Variants in ANKIB1 observed in about 807,000 individuals in gnomAD.
The protein encoded by ANKIB1 is ankyrin repeat and IBR domain-containing protein 1.
In ANKIB1, 43 loss-of-function variants were observed where a neutral mutation model predicts 122.1. The ratio of observed to expected loss-of-function variants is 0.35; its 90% CI spans 0.28 to 0.45. The LOEUF is 0.45. Among genes scored for constraint, ANKIB1 ranks in the 20% least tolerant of loss-of-function variants. The pLI, the probability that ANKIB1 is intolerant of heterozygous loss-of-function variation, is 1.00. For synonymous variants in ANKIB1, 390 were observed against 442.0 expected, an observed-to-expected ratio of 0.88 and a Z score of 1.48; for missense variants, 992 against 1,329.5, an observed-to-expected ratio of 0.75 and a Z score of 3.95.
At chr7:92,391,386 C>T (rs1456251104) in intron 16 of ANKIB1, 42 bp downstream of exon 16, 1 of 1,430,234 alleles carries the variant, frequency 7.0e-7, no homozygotes, top group African/African-American at 1.4e-5. Flanking sequence ...TAGCTCCAGC[C>T]ACAAATACCA....
chr7:92,352,190 C>A (rs1420697612), intron 8 of ANKIB1, among the ~76,000 whole-genome samples: 2 of 152,154 alleles, frequency 1.3e-5, no homozygotes, highest in East Asian at 3.8e-4. Context: ...ATTTTCTGTG[C>A]AAACAATTAC....
At chr7:92,260,510 C>T (rs750397279) in intron 1 of ANKIB1, among the ~76,000 whole-genome samples, 1 of 152,126 alleles carries the variant, frequency 6.6e-6, no homozygotes, top group East Asian at 1.9e-4. Flanking sequence ...GAGACCTCCC[C>T]TCTACAAAAG....
intron 19 of ANKIB1, 40 bp downstream of exon 19, chr7:92,397,899 CT>C: frequency 6.3e-7 from 1 of 1,579,720 alleles, no homozygotes; most frequent in Non-Finnish European, 8.5e-7. Flanking sequence ...TGCTTTTACT[CT>C]TTCTCTGCTG....
At chr7:92,294,634 T>TTG (rs1802314509) in intron 1 of ANKIB1, 1 of 360,790 alleles carries the variant, frequency 2.8e-6, no homozygotes, top group Non-Finnish European at 4.9e-6. Context: ...TAGATAATTT[T>TTG]TGTAATCCGA....
chr7:92,298,007 A>T (rs1385711511), intron 2 of ANKIB1, among the ~76,000 whole-genome samples: 1 of 152,060 alleles, frequency 6.6e-6, no homozygotes, highest in Non-Finnish European at 1.5e-5. Flanking sequence ...TTTAAGTCCT[A>T]ACTCTGTTTC....
chr7:92,259,245 T>C (rs1394815283), intron 1 of ANKIB1, among the ~76,000 whole-genome samples: 1 of 152,122 alleles, frequency 6.6e-6, no homozygotes, highest in Non-Finnish European at 1.5e-5. Context: ...CGTGAGCCAC[T>C]GCACCAGGCT....
intron 1 of ANKIB1, among the ~76,000 whole-genome samples, chr7:92,249,871 C>A (rs769204174): frequency 2.6e-5 from 4 of 152,280 alleles, no homozygotes; most frequent in South Asian, 2.1e-4. Flanking sequence ...TCTCCCCCCC[C>A]ACACGCGAAT....
intron 1 of ANKIB1, among the ~76,000 whole-genome samples, chr7:92,257,763 G>T (rs540111603): frequency 7.9e-5 from 12 of 152,306 alleles, no homozygotes; most frequent in African/African-American, 2.9e-4. Context: ...TTGTGCTCCA[G>T]CCTGGGCAAG....
intron 4 of ANKIB1, among the ~76,000 whole-genome samples, chr7:92,323,691 T>A (rs567067840): frequency 2.0e-5 from 3 of 152,288 alleles, no homozygotes; most frequent in Non-Finnish European, 4.4e-5. Context: ...TGAAAACAAC[T>A]CAAACGTTTA....
rs1007152468 is a variant in ANKIB1, at chr7:92,370,437, G to A, written c.1487-1040G>A. Among the ~76,000 whole-genome samples, 47 of 149,398 alleles carry A rather than the reference G, an allele frequency of 3.1e-4. 1 individual carries two copies. The highest frequency in any genetic ancestry group is 1.1e-3 in the African/African-American group (43 of 40,462). ...GCAGGAGAATGGCATGAACCCGGGA[G>A]GTGGAGCTTGCAGTGAGCCGAGATC... On this transcript the variant is annotated intron_variant, in intron 10 of 19. Coordinates refer to ENST00000265742, the MANE Select transcript of ANKIB1 (RefSeq NM_019004.2).
At chr7:92,336,664 A>G (rs535538175) in intron 5 of ANKIB1, among the ~76,000 whole-genome samples, 2 of 152,216 alleles carry the variant, frequency 1.3e-5, no homozygotes, top group African/African-American at 4.8e-5. Flanking sequence ...TCATGTCCAA[A>G]GTGCTCTGGT....
At chr7:92,291,136 A>T (rs1256737740) in intron 1 of ANKIB1, among the ~76,000 whole-genome samples, 1 of 152,184 alleles carries the variant, frequency 6.6e-6, no homozygotes, top group Non-Finnish European at 1.5e-5. Context: ...TCTACTAAAA[A>T]TACAAAAATT....
At chr7:92,250,549 A>C (rs962795506) in intron 1 of ANKIB1, among the ~76,000 whole-genome samples, 2 of 152,218 alleles carry the variant, frequency 1.3e-5, no homozygotes, top group African/African-American at 4.8e-5. Flanking sequence ...CTAGTTCTAC[A>C]ACGGGACCAC....
chr7:92,296,782 AAG>A (rs1395928521), intron 2 of ANKIB1, among the ~76,000 whole-genome samples: 1 of 152,160 alleles, frequency 6.6e-6, no homozygotes, highest in Non-Finnish European at 1.5e-5. Context: ...TCATTACACA[AAG>A]AAATATTTTT....
intron 2 of ANKIB1, among the ~76,000 whole-genome samples, chr7:92,297,864 A>G (rs1017672995): frequency 1.3e-5 from 2 of 152,168 alleles, no homozygotes; most frequent in Admixed American, 1.3e-4. Flanking sequence ...ACTTTCTAAC[A>G]TGATCTTGCC....
chr7:92,363,952 T>G (rs762774112), intron 10 of ANKIB1, among the ~76,000 whole-genome samples: 3 of 152,198 alleles, frequency 2.0e-5, no homozygotes, highest in Admixed American at 6.5e-5. Flanking sequence ...TGGATAATCT[T>G]TGGATATTTT....
chr7:92,364,717 C>T (rs1562793602), intron 10 of ANKIB1, among the ~76,000 whole-genome samples: 1 of 152,088 alleles, frequency 6.6e-6, no homozygotes, highest in East Asian at 1.9e-4. Flanking sequence ...AATTTATCCT[C>T]CTAATAGAAT....
chr7:92,329,289 A>G (rs889163324), intron 5 of ANKIB1, among the ~76,000 whole-genome samples: 19 of 152,102 alleles, frequency 1.2e-4, no homozygotes, highest in Non-Finnish European at 2.4e-4. Context: ...GATGTTTCTG[A>G]CAGTCTACAA....
intron 1 of ANKIB1, among the ~76,000 whole-genome samples, chr7:92,255,671 T>A (rs1329756012): frequency 6.6e-6 from 1 of 152,200 alleles, no homozygotes; most frequent in Non-Finnish European, 1.5e-5. Context: ...TTTTTTCTGT[T>A]CTTTGAAAAA....
Sources: gnomAD v4.1 joint callset for allele counts (sites outside exome capture counted in the v4.1 genomes callset) on GRCh38, gnomAD v4.1.1 for gene constraint, MANE v1.5 for transcripts, NCBI Gene and HGNC (gene_info 2026-07-23, HGNC 2026-07-21) for gene names.